Variants in CCSER2 observed in about 807,000 individuals in gnomAD.
CCSER2 encodes the protein coiled-coil serine rich protein 2.
CCSER2 carries 46 observed loss-of-function variants against 92.3 expected under a neutral mutation model. The ratio of observed to expected loss-of-function variants is 0.50; its 90% CI spans 0.39 to 0.64. The LOEUF (loss-of-function observed/expected upper bound fraction) is 0.64. Ranked by LOEUF, CCSER2 falls within the 30% of genes least tolerant of loss-of-function variation. CCSER2 has a pLI of 0.00. For missense variants in CCSER2, 1,244 were observed against 1,238.9 expected, an observed-to-expected ratio of 1.00 and a Z score of -0.06; for synonymous variants, 433 against 431.4, an observed-to-expected ratio of 1.00 and a Z score of -0.04.
chr10:84,375,906 T>C (rs1409574674), intron 3 of CCSER2, among the ~76,000 whole-genome samples: 1 of 151,590 alleles, frequency 6.6e-6, no homozygotes, highest in Non-Finnish European at 1.5e-5. Context: ...TATCTCTTAC[T>C]TAACCCCTCA....
In CCSER2 at chr10:84,373,706, C is replaced by T. The variant is rs1192177580; in HGVS notation, c.1505C>T (p.Ser502Phe). The change falls in exon 3 of 10, where the codon TCT (serine) becomes TTT (phenylalanine). Residue 502 changes from serine to phenylalanine, a missense_variant. Coordinates refer to ENST00000372088, the MANE Select transcript of CCSER2 (RefSeq NM_001284240.2). ...DYRAGSSFEL[S>F]PSDSSDGTYM... ...AGAGCTGGTTCTTCGTTTGAACTCT[C>T]TCCATCTGATAGCTCTGATGGAACA... 2.5e-6 allele frequency: 4 copies of T among 1,613,456 alleles called. No homozygotes were observed. The African/African-American group carries it at 4.0e-5, about 16-fold the overall frequency.
At chr10:84,457,301 A>AATATATTTTATATAATATATT (rs1564684881) in intron 6 of CCSER2, among the ~76,000 whole-genome samples, 1 of 53,396 alleles carries the variant, frequency 1.9e-5, no homozygotes, top group African/African-American at 7.2e-5. Context: ...TATTATATAT[A>AATATATTTTATATAATATATT]ATATGTTATA....
intron 6 of CCSER2, among the ~76,000 whole-genome samples, chr10:84,441,071 T>C (rs1430037557): frequency 1.3e-5 from 2 of 152,220 alleles, no homozygotes; most frequent in African/African-American, 4.8e-5. Context: ...GTAGGCTCTT[T>C]GGAGATTAAT....
intron 1 of CCSER2, among the ~76,000 whole-genome samples, chr10:84,343,468 C>G (rs1285701768): frequency 6.6e-6 from 1 of 152,128 alleles, no homozygotes; most frequent in Non-Finnish European, 1.5e-5. Context: ...GGGTATTATA[C>G]AAAACAAGTA....
At position 84,373,903 on chromosome 10, in the gene CCSER2, T is replaced by G. The variant is rs1564611080; in HGVS notation, c.1614+88T>G. 2.6e-6 allele frequency: 4 copies of G among 1,562,618 alleles called. No individual in the cohort carries two copies. In the Admixed American group the frequency reaches 7.4e-5, roughly 29 times the overall value. ...TATGATTGATTTTGTAAAAAATTTA[T>G]GAATTAACTTTACTACTTTGAGAAA... On this transcript the variant is annotated intron_variant, in intron 3 of 9. Transcript: ENST00000372088.
At chr10:84,398,989 A>G (rs1043591854) in intron 3 of CCSER2, among the ~76,000 whole-genome samples, 2 of 152,200 alleles carry the variant, frequency 1.3e-5, no homozygotes, top group African/African-American at 2.4e-5. Context: ...TGAGTTTTAC[A>G]GAGAGTTAGA....
At chr10:84,372,516 T>C in intron 2 of CCSER2, 47 bp downstream of exon 2, 3 of 1,042,290 alleles carry the variant, frequency 2.9e-6, no homozygotes, top group South Asian at 1.7e-5. Flanking sequence ...TTAAATAATA[T>C]AACTGAACTT....
intron 1 of CCSER2, among the ~76,000 whole-genome samples, chr10:84,346,027 C>G (rs1844454128): frequency 6.6e-6 from 1 of 152,182 alleles, no homozygotes; most frequent in South Asian, 2.1e-4. Context: ...ATATTTATTT[C>G]TTCACCCAAT....
intron 1 of CCSER2, among the ~76,000 whole-genome samples, chr10:84,366,881 A>G (rs1015682791): frequency 6.6e-6 from 1 of 152,192 alleles, no homozygotes; most frequent in Non-Finnish European, 1.5e-5. Context: ...ATCTTGACAA[A>G]TGTAGGAATC....
At position 84,454,198 on chromosome 10, in the gene CCSER2, T is replaced by C. The variant is rs138754835; in HGVS notation, c.2065-9735T>C. 2.6e-3 allele frequency among the ~76,000 whole-genome samples: 394 copies of C among 152,304 alleles called. 1 individual carries two copies. The highest frequency in any genetic ancestry group is 8.6e-3 in the African/African-American group (357 of 41,564). ...ACCAGCAATCCTTGGGATTCCTTGA[T>C]TTGTAGATGCATCTCTCCAGTCTCT... On this transcript the variant is annotated intron_variant, in intron 6 of 9. Coordinates refer to ENST00000372088, the MANE Select transcript of CCSER2 (RefSeq NM_001284240.2).
In CCSER2 at chr10:84,343,063, G is replaced by A. The variant is rs1187609873; in HGVS notation, c.-40+14255G>A. Among the ~76,000 whole-genome samples the A allele has an allele frequency of 2.0e-5, 3 of 152,088 alleles. No homozygotes were observed. The East Asian group carries it at 5.8e-4, about 29-fold the overall frequency. Reference sequence around the variant, plus strand: ...TATTTTTGTATTTTTAGTAGAGTCCGGGGTTTACCATGTTGGCCAGGCTGG... The same window carrying A: ...TATTTTTGTATTTTTAGTAGAGTCCAGGGTTTACCATGTTGGCCAGGCTGG... On this transcript the variant is annotated intron_variant, in intron 1 of 9. Transcript: ENST00000372088.
chr10:84,480,434 A>T (rs1307303528), intron 9 of CCSER2, among the ~76,000 whole-genome samples: 1 of 152,216 alleles, frequency 6.6e-6, no homozygotes, highest in African/African-American at 2.4e-5. Context: ...TTTCAATCTA[A>T]TGTGAGTACA....
chr10:84,429,592 G>T (rs1240312324), intron 5 of CCSER2, among the ~76,000 whole-genome samples: 2 of 150,524 alleles, frequency 1.3e-5, no homozygotes, highest in African/African-American at 2.5e-5. Context: ...CACATGATGA[G>T]TCCCCCCGCC....
chr10:84,428,548 T>C (rs1040324719), intron 5 of CCSER2, among the ~76,000 whole-genome samples: 2 of 152,166 alleles, frequency 1.3e-5, no homozygotes, highest in African/African-American at 4.8e-5. Context: ...ATACAAGATA[T>C]GTTATCTGCA....
intron 3 of CCSER2, among the ~76,000 whole-genome samples, chr10:84,417,127 T>C (rs1368319291): frequency 1.3e-5 from 2 of 152,220 alleles, no homozygotes; most frequent in Non-Finnish European, 2.9e-5. Flanking sequence ...TTCAGTTCTT[T>C]AGGCTTCAGA....
chr10:84,391,817 G>A lies in CCSER2; in HGVS notation c.1614+18002G>A, dbSNP rs934773687. On this transcript the variant is annotated intron_variant, in intron 3 of 9. Coordinates refer to ENST00000372088, the MANE Select transcript of CCSER2 (RefSeq NM_001284240.2). The stretch of plus-strand genomic sequence containing the variant: ...AATGAGGAAAAGGATTCAGCATTCC[G>A]TGGAATTTGTACCATGATCATTGTG... 12 of 1,562,698 alleles carry A rather than the reference G, an allele frequency of 7.7e-6. No individual in the cohort carries two copies. In the East Asian group the frequency reaches 1.6e-4, roughly 20 times the overall value.
intron 9 of CCSER2, among the ~76,000 whole-genome samples, chr10:84,483,924 A>G (rs1589784106): frequency 7.3e-6 from 1 of 136,592 alleles, no homozygotes; most frequent in African/African-American, 2.7e-5. Flanking sequence ...AGCTGATACC[A>G]CAGGTGCATC....
rs570626427 is a variant in CCSER2 at position 84,374,871 on chromosome 10, C to T, written c.1614+1056C>T. On this transcript the variant is annotated intron_variant, in intron 3 of 9. Transcript: ENST00000372088. ...AGTGGATTTCAGGCAATGTAATTTT[C>T]TATACTCCTATAAACCTTTTACTTA... Among the ~76,000 whole-genome samples the T allele has an allele frequency of 2.6e-5, 4 of 152,240 alleles. No individual in the cohort carries two copies. The South Asian group carries it at 8.3e-4, about 32-fold the overall frequency.
intron 1 of CCSER2, among the ~76,000 whole-genome samples, chr10:84,338,340 A>AC (rs1843965148): frequency 4.0e-5 from 6 of 151,618 alleles, no homozygotes; most frequent in African/African-American, 9.7e-5. Context: ...AACCAAAAAA[A>AC]CCCCAACAAA....
Sources: gnomAD v4.1 joint callset for allele counts (sites outside exome capture counted in the v4.1 genomes callset) on GRCh38, gnomAD v4.1.1 for gene constraint, MANE v1.5 for transcripts, NCBI Gene and HGNC (gene_info 2026-07-23, HGNC 2026-07-21) for gene names.